Variants in LSAMP observed in about 807,000 individuals in gnomAD.
LSAMP encodes limbic system associated membrane protein.
Under a neutral mutation model 38.6 loss-of-function variants are expected in LSAMP, and 7 were observed. The ratio of observed to expected loss-of-function variants is 0.18; its 90% CI spans 0.10 to 0.34. LSAMP has a LOEUF of 0.34. Ranked by LOEUF, LSAMP falls within the 10% of genes least tolerant of loss-of-function variation. The probability of loss-of-function intolerance (pLI) is 1.00; values close to 1 mark genes in which losing one functional copy is unlikely to be tolerated. For synonymous variants in LSAMP, 154 were observed against 166.8 expected, an observed-to-expected ratio of 0.92 and a Z score of 0.59; for missense variants, 313 against 420.0, an observed-to-expected ratio of 0.75 and a Z score of 2.23.
intron 2 of LSAMP, among the ~76,000 whole-genome samples, chr3:116,042,815 A>G (rs976102777): frequency 2.6e-5 from 4 of 152,178 alleles, no homozygotes; most frequent in Non-Finnish European, 5.9e-5. Flanking sequence ...CCAGACACAC[A>G]TACTTGGTAG....
At chr3:115,935,146 A>G (rs1937656245) in intron 3 of LSAMP, among the ~76,000 whole-genome samples, 1 of 152,198 alleles carries the variant, frequency 6.6e-6, no homozygotes, top group Non-Finnish European at 1.5e-5. Flanking sequence ...TGGAACAAGA[A>G]AATGAAAGAA....
At chr3:116,301,968 G>A (rs964156240) in intron 1 of LSAMP, among the ~76,000 whole-genome samples, 4 of 152,150 alleles carry the variant, frequency 2.6e-5, no homozygotes, top group African/African-American at 9.7e-5. Flanking sequence ...GAGCAGCTCT[G>A]CTAGGCAAGA....
chr3:116,341,239 GA>G (rs1445904101), intron 1 of LSAMP, among the ~76,000 whole-genome samples: 1 of 151,976 alleles, frequency 6.6e-6, no homozygotes, highest in South Asian at 2.1e-4. Flanking sequence ...CAAAGAAGTA[GA>G]AAAAAACTAA....
intron 1 of LSAMP, among the ~76,000 whole-genome samples, chr3:116,149,931 A>G (rs1191401139): frequency 6.6e-6 from 1 of 152,048 alleles, no homozygotes; most frequent in African/African-American, 2.4e-5. Context: ...GAAATAGCAA[A>G]TATCTTTCTA....
intron 1 of LSAMP, among the ~76,000 whole-genome samples, chr3:116,311,224 T>C (rs111813246): frequency 2.2e-4 from 33 of 152,306 alleles, no homozygotes; most frequent in African/African-American, 7.5e-4. Flanking sequence ...TCCTTCTCGT[T>C]GGAACTACTT....
chr3:116,062,574 G>C (rs559905933), intron 2 of LSAMP, among the ~76,000 whole-genome samples: 17 of 151,310 alleles, frequency 1.1e-4, no homozygotes, highest in Non-Finnish European at 2.4e-4. Flanking sequence ...GTGCAGGAGG[G>C]TCTCTCTCTC....
chr3:116,013,645 T>A (rs564504586), intron 3 of LSAMP, among the ~76,000 whole-genome samples: 1 of 152,314 alleles, frequency 6.6e-6, no homozygotes, highest in South Asian at 2.1e-4. Context: ...AATATCAATA[T>A]ACAAGTAAGG....
chr3:116,054,903 CT>C (rs1941460654), intron 2 of LSAMP, among the ~76,000 whole-genome samples: 1 of 152,082 alleles, frequency 6.6e-6, no homozygotes, highest in African/African-American at 2.4e-5. Flanking sequence ...GAAAGTTTGT[CT>C]TTTTTCTTAT....
chr3:115,905,455 T>G (rs1936985059), intron 3 of LSAMP, among the ~76,000 whole-genome samples: 1 of 152,092 alleles, frequency 6.6e-6, no homozygotes, highest in South Asian at 2.1e-4. Context: ...AGAACTATCA[T>G]TATAAGCCCC....
At chr3:116,212,846 G>C (rs1373796431) in intron 1 of LSAMP, among the ~76,000 whole-genome samples, 2 of 152,204 alleles carry the variant, frequency 1.3e-5, no homozygotes, top group African/African-American at 2.4e-5. Flanking sequence ...GGGGATGGGA[G>C]CAGTAGACCA....
chr3:116,307,715 A>C (rs920762294), intron 1 of LSAMP, among the ~76,000 whole-genome samples: 1 of 152,030 alleles, frequency 6.6e-6, no homozygotes, highest in African/African-American at 2.4e-5. Context: ...TTTCTGTACC[A>C]TTAAAATAGC....
chr3:116,119,923 TGCTGG>T (rs1406891160), intron 1 of LSAMP, among the ~76,000 whole-genome samples: 1 of 152,136 alleles, frequency 6.6e-6, no homozygotes, highest in Non-Finnish European at 1.5e-5. Context: ...CCTCCCAAAG[TGCTGG>T]GATTACAGGT....
chr3:116,091,769 A>G (rs1708129264), intron 1 of LSAMP, among the ~76,000 whole-genome samples: 1 of 152,230 alleles, frequency 6.6e-6, no homozygotes, highest in South Asian at 2.1e-4. Context: ...ATGATGTTGC[A>G]AATAATTCCC....
At chr3:116,250,153 T>G (rs1452063666) in intron 1 of LSAMP, among the ~76,000 whole-genome samples, 1 of 152,204 alleles carries the variant, frequency 6.6e-6, no homozygotes, top group Non-Finnish European at 1.5e-5. Flanking sequence ...ATGAAGTAAA[T>G]AGCAGAGTGC....
At chr3:116,203,564 C>A (rs1023399188) in intron 1 of LSAMP, among the ~76,000 whole-genome samples, 1 of 128,764 alleles carries the variant, frequency 7.8e-6, no homozygotes, top group Non-Finnish European at 1.6e-5. Flanking sequence ...CCCACCCCAC[C>A]ACAGTCCCCA....
chr3:116,405,555 T>G (rs1011184146), intron 1 of LSAMP, among the ~76,000 whole-genome samples: 30 of 152,128 alleles, frequency 2.0e-4, no homozygotes, highest in African/African-American at 7.2e-4. Flanking sequence ...GCATCTTGAC[T>G]TTAAATGAAC....
At chr3:116,173,836 T>C (rs957534142) in intron 1 of LSAMP, among the ~76,000 whole-genome samples, 8 of 151,760 alleles carry the variant, frequency 5.3e-5, no homozygotes, top group African/African-American at 1.7e-4. Flanking sequence ...TCTTGCCTTC[T>C]TCCTCTTCTT....
chr3:116,313,780 C>G (rs772239092), intron 1 of LSAMP, among the ~76,000 whole-genome samples: 1 of 152,132 alleles, frequency 6.6e-6, no homozygotes, highest in Non-Finnish European at 1.5e-5. Flanking sequence ...ATGGTGAAAC[C>G]CTGTCTGTAC....
chr3:116,200,330 G>A (rs1483023795), intron 1 of LSAMP, among the ~76,000 whole-genome samples: 2 of 152,208 alleles, frequency 1.3e-5, no homozygotes, highest in African/African-American at 4.8e-5. Context: ...CACATGCTTA[G>A]GTTGAGGATG....
Sources: allele counts gnomAD v4.1 joint callset (sites outside exome capture counted in the v4.1 genomes callset), GRCh38; gene constraint gnomAD v4.1.1; transcripts MANE v1.5; gene names NCBI Gene and HGNC (gene_info 2026-07-23, HGNC 2026-07-21).